The following FREM2 variants were observed in gnomAD, a reference collection of about 807,000 sequenced individuals.
FREM2 encodes the protein FRAS1 related extracellular matrix 2, also known as FRAS1-related extracellular matrix protein 2.
Under a neutral mutation model 219.9 loss-of-function variants are expected in FREM2, and 119 were observed. The observed-to-expected ratio is 0.54, with a 90% CI of 0.47 to 0.63. The LOEUF is 0.63. FREM2 is among the 30% of genes least tolerant of loss of function. The probability of loss-of-function intolerance (pLI) is 0.00; values close to 1 mark genes in which losing one functional copy is unlikely to be tolerated. For missense variants in FREM2, 4,030 were observed against 3,993.6 expected (o/e 1.01, Z -0.25); for synonymous variants, 1,562 against 1,522.8 (o/e 1.03, Z -0.60).
In FREM2 at chr13:38,851,096, G is replaced by C. The variant is rs375378169; in HGVS notation, c.6730G>C (p.Asp2244His). 5.0e-6 allele frequency: 8 copies of C among 1,613,562 alleles called. No individual in the cohort carries two copies. The African/African-American group carries it at 8.0e-5, about 16-fold the overall frequency. Residue 2244 changes from aspartate (D) to histidine (H), a missense_variant, in exon 10 of 24, where the codon GAT becomes CAT. By Grantham distance (81) the Asp-to-His change is moderately conservative. This residue lies in a region of FREM2 where 3,102 missense variants were observed against 2,950.7 expected (regional missense o/e 1.05). Transcript: ENST00000280481. ...EQNETLIRIR[D>H]DADKTVIKFG... ...AAATGAAACTCTCATAAGGATCCGA[G>C]ATGATGCTGATAGTAAGAAATCTTT...
intron 2 of FREM2, 53 bp from the exon 3 acceptor site, chr13:38,764,251 G>T: frequency 7.9e-7 from 1 of 1,263,092 alleles, no homozygotes; most frequent in South Asian, 1.2e-5. Context: ...GAATTTTGAA[G>T]ATCACTCATT....
chr13:38,698,203 G>C (rs375956702), intron 2 of FREM2, among the ~76,000 whole-genome samples: 6 of 152,142 alleles, frequency 3.9e-5, no homozygotes, highest in African/African-American at 1.2e-4. Flanking sequence ...TTGCTCATGG[G>C]TTCTGTGTGG....
chr13:38,832,647 A>G (rs996129313), intron 6 of FREM2, among the ~76,000 whole-genome samples: 39 of 152,168 alleles, frequency 2.6e-4, no homozygotes, highest in African/African-American at 9.4e-4. Flanking sequence ...AGAAAAACCC[A>G]CAAACAATAT....
In FREM2 at chr13:38,691,771, G is replaced by A. The variant is rs762165617; in HGVS notation, c.4427G>A (p.Gly1476Asp). 1 of 1,614,162 alleles carries A rather than the reference G, an allele frequency of 6.2e-7. No individual in the cohort carries two copies. The highest frequency in any genetic ancestry group is 8.5e-7 in the Non-Finnish European group (1 of 1,180,036). ...CACCTGGAATGCACGGATCAGCCTG[G>A]TGTGTCCATCACGTCTTTCACTCAG... Reference protein sequence around the residue: ...RGHLECTDQPGVSITSFTQLQ... With the variant: ...RGHLECTDQPDVSITSFTQLQ... Residue 1476 changes from glycine (G) to aspartate (D), a missense_variant, in exon 1 of 24, where the codon GGT becomes GAT. Physicochemically the swap from Gly to Asp is moderately conservative, Grantham distance 94 (BLOSUM62 -1). Around this residue, in one of 2 missense-constraint regions of FREM2, gnomAD observed 3,102 missense variants for 2,950.7 expected, o/e 1.05. Transcript: ENST00000280481.
At chr13:38,751,595 C>G (rs1872770669) in intron 2 of FREM2, among the ~76,000 whole-genome samples, 1 of 152,112 alleles carries the variant, frequency 6.6e-6, no homozygotes, top group Admixed American at 6.5e-5. Flanking sequence ...TCCCCTCCCT[C>G]CTCTGAGCCC....
chr13:38,737,860 T>A (rs957680700), intron 2 of FREM2, among the ~76,000 whole-genome samples: 1 of 152,128 alleles, frequency 6.6e-6, no homozygotes, highest in African/African-American at 2.4e-5. Context: ...TAGTTAAGGG[T>A]TTTCAAATGG....
chr13:38,856,710 C>A (rs1372266044), intron 12 of FREM2, among the ~76,000 whole-genome samples: 3 of 136,472 alleles, frequency 2.2e-5, no homozygotes, highest in African/African-American at 1.0e-4. Flanking sequence ...AATTTGATGT[C>A]CACAGCCTCA....
intron 6 of FREM2, among the ~76,000 whole-genome samples, chr13:38,805,926 T>C (rs2137856671): frequency 6.6e-6 from 1 of 151,926 alleles, no homozygotes; most frequent in East Asian, 2.0e-4. Context: ...TAAAATACTG[T>C]TGTGTGGTTT....
chr13:38,710,013 AC>A (rs1319037176), intron 2 of FREM2, among the ~76,000 whole-genome samples: 7 of 151,236 alleles, frequency 4.6e-5, no homozygotes, highest in African/African-American at 1.7e-4. Flanking sequence ...ACACACACAC[AC>A]ACACACACAC....
In FREM2 at chr13:38,691,371, A is replaced by G. The variant is rs759333626; in HGVS notation, c.4027A>G (p.Ile1343Val). The G allele has an allele frequency of 1.9e-6, 3 of 1,614,086 alleles. No homozygotes were observed. The highest frequency in any genetic ancestry group is 2.2e-5 in the East Asian group (1 of 44,882). The stretch of plus-strand genomic sequence containing the variant: ...AGAAGACAAATCTTTGGTTTATATT[A>G]TTCGTTATGGGCCAGGACATGGCTT... ...DSEDKSLVYI[I>V]RYGPGHGLLQ... Residue 1343 changes from isoleucine to valine, a missense_variant, in exon 1 of 24, where the codon ATT (isoleucine) becomes GTT (valine). Ile to Val is a conservative substitution (Grantham distance 29). This residue lies in a region of FREM2 where 3,102 missense variants were observed against 2,950.7 expected (regional missense o/e 1.05). Transcript: ENST00000280481.
intron 16 of FREM2, among the ~76,000 whole-genome samples, chr13:38,868,451 C>G (rs572323057): frequency 1.3e-5 from 2 of 152,310 alleles, no homozygotes; most frequent in South Asian, 4.1e-4. Flanking sequence ...AGCCCAGGTT[C>G]GTGTAGCTTG....
Position 38,857,950 on chromosome 13 carries a change from G to A in FREM2, c.7132G>A (p.Val2378Ile), listed in dbSNP as rs1468314336. 6.2e-7 allele frequency: 1 copy of A among 1,613,656 alleles called. No individual in the cohort carries two copies. Among genetic ancestry groups the A allele is most frequent in the Non-Finnish European group, 8.5e-7 (1 of 1,179,686 alleles). The change falls in exon 13 of 24, where the codon GTA (valine) becomes ATA (isoleucine). Residue 2378 changes from valine (V) to isoleucine (I), a missense_variant. Physicochemically the swap from Val to Ile is conservative, Grantham distance 29. Around this residue, in one of 2 missense-constraint regions of FREM2, gnomAD observed 928 missense variants for 1,042.9 expected, o/e 0.89. Transcript: ENST00000280481. The part of the protein sequence containing the change: ...DVTFPSVPQI[V>I]SLLMYDDTSK... ...CACTTTTCCTTCTGTCCCTCAAATT[G>A]TATCCCTGTTGATGTATGACGACAC...
At position 38,690,715 on chromosome 13, in the gene FREM2, C is replaced by T. The variant is rs1365740821; in HGVS notation, c.3371C>T (p.Ser1124Phe). 2 of 1,613,966 alleles carry T rather than the reference C, an allele frequency of 1.2e-6. No individual in the cohort carries two copies. The highest frequency in any genetic ancestry group is 1.7e-6 in the Non-Finnish European group (2 of 1,180,040). Reference sequence around the variant, plus strand: ...GAAAACATTTCTCCAGCACCAGGCTCTGAGAAATCAAGAGCAGGGATTGCC... The same window carrying T: ...GAAAACATTTCTCCAGCACCAGGCTTTGAGAAATCAAGAGCAGGGATTGCC... ...YVENISPAPGSEKSRAGIAIS... is the reference protein window; with the variant it reads ...YVENISPAPGFEKSRAGIAIS... Residue 1124 changes from serine to phenylalanine, a missense_variant, in exon 1 of 24, where the codon TCT becomes TTT. Physicochemically the swap from Ser to Phe is radical, Grantham distance 155. This residue lies in a region of FREM2 where 3,102 missense variants were observed against 2,950.7 expected (regional missense o/e 1.05). Transcript: ENST00000280481.
intron 2 of FREM2, among the ~76,000 whole-genome samples, chr13:38,722,902 C>G (rs1251434045): frequency 6.6e-6 from 1 of 152,022 alleles, no homozygotes; most frequent in East Asian, 1.9e-4. Context: ...AATTGTAGGT[C>G]AAAGTGTTGA....
At chr13:38,747,925 T>G (rs1262155315) in intron 2 of FREM2, among the ~76,000 whole-genome samples, 2 of 152,210 alleles carry the variant, frequency 1.3e-5, no homozygotes, top group Non-Finnish European at 2.9e-5. Context: ...GAAGCATTCT[T>G]CTTAGTAAGC....
chr13:38,809,732 C>A (rs936217416), intron 6 of FREM2, among the ~76,000 whole-genome samples: 3 of 151,782 alleles, frequency 2.0e-5, no homozygotes, highest in African/African-American at 7.3e-5. Context: ...TGATTACAGT[C>A]GTTCTGTAGT....
chr13:38,691,679 C>T lies in FREM2; in HGVS notation c.4335C>T (p.Ser1445=). The change falls in exon 1 of 24, where the codon AGC becomes AGT. Residue 1445 remains serine, a synonymous_variant. Transcript: ENST00000280481. ...GKVTLTTDLL[S]TSDLNSPDEN... ...TCACTCTTACAACAGACCTACTAAG[C>T]ACTAGTGACTTGAACAGTCCTGATG... 3 of 1,614,130 alleles carry T rather than the reference C, an allele frequency of 1.9e-6. No homozygotes were observed. The highest frequency in any genetic ancestry group is 2.2e-5 in the South Asian group (2 of 91,080).
intron 4 of FREM2, among the ~76,000 whole-genome samples, chr13:38,779,922 A>C (rs1874048970): frequency 6.6e-6 from 1 of 152,100 alleles, no homozygotes; most frequent in Non-Finnish European, 1.5e-5. Context: ...GGTTGTCTTC[A>C]TCCCTAGGAC....
At chr13:38,733,425 G>C (rs1385730434) in intron 2 of FREM2, among the ~76,000 whole-genome samples, 1 of 151,866 alleles carries the variant, frequency 6.6e-6, no homozygotes, top group Non-Finnish European at 1.5e-5. Flanking sequence ...AAAGAGCACA[G>C]TGTTTCCTGA....
Sources: gnomAD v4.1 joint callset for allele counts (sites outside exome capture counted in the v4.1 genomes callset) on GRCh38, gnomAD v4.1.1 for gene constraint, gnomAD v4.1.1 regional missense constraint, MANE v1.5 for transcripts, NCBI Gene and HGNC (gene_info 2026-07-23, HGNC 2026-07-21) for gene names.